Variants in DOK6 observed in about 807,000 individuals in gnomAD.
DOK6 encodes the protein docking protein 6.
A neutral mutation model predicts 44.0 loss-of-function variants in DOK6; 22 were observed. The observed-to-expected ratio is 0.50, with a 90% confidence interval of 0.36 to 0.71. The LOEUF (loss-of-function observed/expected upper bound fraction) is 0.71, where lower values mean the gene tolerates loss of function less well. DOK6 is among the 30% of genes least tolerant of loss of function. The pLI, the probability that DOK6 is intolerant of heterozygous loss-of-function variation, is 0.00. For missense variants in DOK6, 340 were observed against 416.4 expected (o/e 0.82, Z 1.60); for synonymous variants, 166 against 145.5 (o/e 1.14, Z -1.01).
chr18:69,743,694 A>G (rs945517949), intron 6 of DOK6, among the ~76,000 whole-genome samples: 1 of 151,928 alleles, frequency 6.6e-6, no homozygotes, highest in African/African-American at 2.4e-5. Flanking sequence ...TTTCTGCTAT[A>G]TCCAAAATAA....
chr18:69,707,913 G>T (rs951642489), intron 5 of DOK6, among the ~76,000 whole-genome samples: 25 of 152,260 alleles, frequency 1.6e-4, no homozygotes, highest in Admixed American at 2.0e-4. Context: ...TAAAATATGA[G>T]TTGGACTTCT....
chr18:69,439,291 C>T (rs1044243147), intron 1 of DOK6, among the ~76,000 whole-genome samples: 3 of 152,080 alleles, frequency 2.0e-5, no homozygotes, highest in East Asian at 1.9e-4. Flanking sequence ...GTAGATTTAG[C>T]ATAATCTTTA....
intron 3 of DOK6, among the ~76,000 whole-genome samples, chr18:69,642,338 T>C (rs534643191): frequency 6.6e-6 from 1 of 152,294 alleles, no homozygotes; most frequent in South Asian, 2.1e-4. Context: ...TATTTTATTT[T>C]ATTTTATTTT....
chr18:69,593,191 C>T (rs891143194), intron 2 of DOK6, among the ~76,000 whole-genome samples: 4 of 151,698 alleles, frequency 2.6e-5, no homozygotes, highest in African/African-American at 7.3e-5. Flanking sequence ...ATAGAGAGAG[C>T]CCATTTCTAC....
At position 69,717,903 on chromosome 18, in the gene DOK6, C is replaced by T. The variant is rs114675396; in HGVS notation, c.599+19310C>T. On this transcript the variant is annotated intron_variant, in intron 5 of 7. Coordinates refer to ENST00000382713, the MANE Select transcript of DOK6 (RefSeq NM_152721.6). ...CTTGACTAACCATGGTAGGGGCAGT[C>T]CTTCCAGTGGCATCGAGGCCTTAGA... Among the ~76,000 whole-genome samples the T allele has an allele frequency of 3.7e-3, 562 of 152,212 alleles. 6 individuals are homozygous for T. The highest frequency in any genetic ancestry group is 0.013 in the African/African-American group (544 of 41,518).
At chr18:69,551,743 A>T (rs960631599) in intron 1 of DOK6, among the ~76,000 whole-genome samples, 10 of 152,304 alleles carry the variant, frequency 6.6e-5, no homozygotes, top group Non-Finnish European at 1.2e-4. Flanking sequence ...TAGGAAATTC[A>T]TATATTGAAA....
chr18:69,825,600 A>AT (rs1981719722), intron 7 of DOK6, among the ~76,000 whole-genome samples: 4 of 151,526 alleles, frequency 2.6e-5, no homozygotes, highest in Middle Eastern at 3.4e-3. Context: ...CGCCCGGCTA[A>AT]TTTTTTTGTA....
intron 7 of DOK6, among the ~76,000 whole-genome samples, chr18:69,791,890 A>G (rs1980611569): frequency 6.6e-6 from 1 of 152,140 alleles, no homozygotes; most frequent in Admixed American, 6.6e-5. Flanking sequence ...TTCAGGTCTT[A>G]GATTTAAGTC....
intron 1 of DOK6, among the ~76,000 whole-genome samples, chr18:69,512,622 G>A (rs1436660486): frequency 6.6e-6 from 1 of 152,134 alleles, no homozygotes; most frequent in Non-Finnish European, 1.5e-5. Context: ...GGGATTACAA[G>A]CGTGAGCCAC....
intron 1 of DOK6, among the ~76,000 whole-genome samples, chr18:69,468,073 C>T (rs370141743): frequency 2.0e-5 from 3 of 152,080 alleles, no homozygotes; most frequent in East Asian, 1.9e-4. Flanking sequence ...ATTATTAATT[C>T]GTCATTTATC....
rs1161501538 is a variant in DOK6, at chr18:69,846,401, G to A, written c.*5018G>A. 1 of 152,150 alleles carries A rather than the reference G, an allele frequency of 6.6e-6. No individual in the cohort carries two copies. The highest frequency in any genetic ancestry group is 1.5e-5 in the Non-Finnish European group (1 of 68,038). The allele number at this position is 152,150 out of a possible 1,614,324, so 9.4% of individuals were successfully genotyped here. ...TGGCATCTCCCAGTTTGACATAGTG[G>A]GAGCTGAGAAATGCCATATGGCCTC... On this transcript the variant is annotated 3_prime_UTR_variant, in exon 8 of 8. Coordinates refer to ENST00000382713, the MANE Select transcript of DOK6 (RefSeq NM_152721.6).
At chr18:69,620,995 T>C (rs1420244456) in intron 3 of DOK6, among the ~76,000 whole-genome samples, 1 of 152,202 alleles carries the variant, frequency 6.6e-6, no homozygotes, top group Admixed American at 6.5e-5. Context: ...TCATGGTCAC[T>C]CAGGCATTCT....
chr18:69,837,301 C>T (rs1982081715), intron 7 of DOK6, among the ~76,000 whole-genome samples: 1 of 152,042 alleles, frequency 6.6e-6, no homozygotes, highest in Non-Finnish European at 1.5e-5. Context: ...GGCTGAGGGG[C>T]AAGACAGGAT....
chr18:69,574,597 GA>G (rs1412889318), intron 2 of DOK6, among the ~76,000 whole-genome samples: 1 of 152,026 alleles, frequency 6.6e-6, no homozygotes, highest in Non-Finnish European at 1.5e-5. Context: ...ATTGCACAAT[GA>G]TTTGAAGAGA....
chr18:69,651,398 C>T (rs924862459), intron 3 of DOK6, among the ~76,000 whole-genome samples: 16 of 151,712 alleles, frequency 1.1e-4, no homozygotes, highest in Non-Finnish European at 2.4e-4. Flanking sequence ...GATATTTTAC[C>T]TTCTCACCTT....
intron 7 of DOK6, among the ~76,000 whole-genome samples, chr18:69,822,520 T>C (rs925439472): frequency 1.3e-5 from 2 of 152,238 alleles, no homozygotes; most frequent in South Asian, 2.1e-4. Context: ...AACTACAAGT[T>C]TGGGGAACCC....
chr18:69,477,563 C>T (rs1332893763), intron 1 of DOK6, among the ~76,000 whole-genome samples: 1 of 152,056 alleles, frequency 6.6e-6, no homozygotes, highest in Admixed American at 6.6e-5. Flanking sequence ...TGCAAACAAA[C>T]AGTATTTATT....
chr18:69,832,206 T>C (rs534243769), intron 7 of DOK6, among the ~76,000 whole-genome samples: 50 of 152,308 alleles, frequency 3.3e-4, no homozygotes, highest in African/African-American at 1.2e-3. Flanking sequence ...ATATGTTCCC[T>C]CTATACCCAA....
intron 6 of DOK6, among the ~76,000 whole-genome samples, chr18:69,739,719 A>T (rs562430789): frequency 1.1e-4 from 17 of 152,296 alleles, no homozygotes; most frequent in African/African-American, 2.6e-4. Context: ...TATAAGCTTT[A>T]TTACTAATTT....
Sources: gnomAD v4.1 joint callset for allele counts (sites outside exome capture counted in the v4.1 genomes callset) on GRCh38, gnomAD v4.1.1 for gene constraint, MANE v1.5 for transcripts, NCBI Gene and HGNC (gene_info 2026-07-23, HGNC 2026-07-21) for gene names.